COLGALT2: variants seen among roughly 807,000 people sequenced by gnomAD.
COLGALT2 encodes the protein collagen beta(1-O)galactosyltransferase 2.
A neutral mutation model predicts 73.4 loss-of-function variants in COLGALT2; 49 were observed. The observed-to-expected ratio is 0.67, with a 90% CI of 0.53 to 0.85. COLGALT2 has a LOEUF of 0.85. COLGALT2 is among the 40% of genes least tolerant of loss of function. COLGALT2 has a pLI of 0.00. For missense variants in COLGALT2, 722 were observed against 790.2 expected (o/e 0.91, Z 1.03); for synonymous variants, 295 against 307.6 (o/e 0.96, Z 0.43).
At chr1:184,036,198 C>T (rs944737348) in intron 1 of COLGALT2, among the ~76,000 whole-genome samples, 1 of 152,184 alleles carries the variant, frequency 6.6e-6, no homozygotes, top group Admixed American at 6.5e-5. Context: ...ACCCACTCAG[C>T]GGCTAACCTG....
At chr1:184,012,267 T>C (rs1294953256) in intron 1 of COLGALT2, among the ~76,000 whole-genome samples, 1 of 152,198 alleles carries the variant, frequency 6.6e-6, no homozygotes, top group Non-Finnish European at 1.5e-5. Context: ...CACTGTAAAA[T>C]ATTGTATTAG....
At chr1:183,946,769 C>A (rs978560953) in intron 8 of COLGALT2, among the ~76,000 whole-genome samples, 1 of 152,200 alleles carries the variant, frequency 6.6e-6, no homozygotes, top group South Asian at 2.1e-4. Flanking sequence ...TGGTGGCTCA[C>A]GCCTGTAATC....
chr1:183,939,670 G>A (rs1670056380), intron 11 of COLGALT2, among the ~76,000 whole-genome samples: 1 of 152,160 alleles, frequency 6.6e-6, no homozygotes, highest in Non-Finnish European at 1.5e-5. Flanking sequence ...ATATACAAGA[G>A]GGCACACAAC....
chr1:184,026,660 C>G (rs778737075), intron 1 of COLGALT2, among the ~76,000 whole-genome samples: 4 of 152,112 alleles, frequency 2.6e-5, no homozygotes, highest in Non-Finnish European at 4.4e-5. Flanking sequence ...TAAGGCTGAA[C>G]TGCCAGCTAC....
intron 1 of COLGALT2, among the ~76,000 whole-genome samples, chr1:184,022,167 G>A (rs1257239361): frequency 1.3e-5 from 2 of 152,116 alleles, no homozygotes; most frequent in Non-Finnish European, 2.9e-5. Context: ...CAAGGTGAAA[G>A]GAAGAACACC....
chr1:184,017,082 T>C (rs1282786478), intron 1 of COLGALT2, among the ~76,000 whole-genome samples: 1 of 152,218 alleles, frequency 6.6e-6, no homozygotes, highest in Non-Finnish European at 1.5e-5. Flanking sequence ...TTTGATCTGT[T>C]AGAACACAGT....
chr1:183,953,322 C>A (rs1330297473), intron 7 of COLGALT2, among the ~76,000 whole-genome samples: 1 of 152,164 alleles, frequency 6.6e-6, no homozygotes, highest in East Asian at 1.9e-4. Context: ...TAACCTCAGA[C>A]TCAGGAAAGT....
At chr1:183,963,840 G>A in intron 6 of COLGALT2, 61 bp downstream of exon 6, 2 of 1,438,370 alleles carry the variant, frequency 1.4e-6, no homozygotes, top group Non-Finnish European at 1.8e-6. Flanking sequence ...GAGGGAAGTG[G>A]CTGGTATGGT....
At chr1:183,944,689 G>C (rs912124896) in intron 9 of COLGALT2, among the ~76,000 whole-genome samples, 1 of 152,094 alleles carries the variant, frequency 6.6e-6, no homozygotes, top group African/African-American at 2.4e-5. Context: ...GTACGGGGTG[G>C]GGGGGTGCTT....
At chr1:183,992,047 A>G (rs1250883567) in intron 1 of COLGALT2, among the ~76,000 whole-genome samples, 3 of 151,992 alleles carry the variant, frequency 2.0e-5, no homozygotes, top group African/African-American at 7.3e-5. Flanking sequence ...CAGAGAGGGG[A>G]GCAGTGAGAG....
In COLGALT2 at chr1:183,936,936, C is replaced by T; in HGVS notation, c.*1825G>A. ...CTGCCTCTTGTCCTAAAGTGGGGAC[C>T]CGCCCCTCACCTGGGGAGATGAGGC... On this transcript the variant is annotated 3_prime_UTR_variant, in exon 12 of 12. Coordinates refer to ENST00000361927, the MANE Select transcript of COLGALT2 (RefSeq NM_015101.4). 1 of 1,231,772 alleles carries T rather than the reference C, an allele frequency of 8.1e-7. No individual in the cohort carries two copies. Among genetic ancestry groups the T allele is most frequent in the Non-Finnish European group, 1.0e-6 (1 of 987,998 alleles). The allele number at this position is 1,231,772 out of a possible 1,614,324, so 76.3% of individuals were successfully genotyped here.
chr1:183,977,812 A>AG (rs1553317022), intron 2 of COLGALT2, among the ~76,000 whole-genome samples: 8 of 52,430 alleles, frequency 1.5e-4, no homozygotes, highest in African/African-American at 3.1e-4. Flanking sequence ...GAAAGAGAGA[A>AG]AGAGAGAGAG....
rs763644716 is a variant in COLGALT2, at chr1:183,951,036, C to A, written c.1107G>T (p.Glu369Asp). 6.2e-7 allele frequency: 1 copy of A among 1,613,688 alleles called. No homozygotes were observed. The highest frequency in any genetic ancestry group is 1.7e-5 in the Admixed American group (1 of 60,020). The change falls in exon 8 of 12, where the codon GAG (glutamate) becomes GAT (aspartate). Residue 369 changes from glutamate to aspartate, a missense_variant. Transcript: ENST00000361927. ...CATCCACAGCCTCGACAATCTTGAC[C>A]TCAATCTCCTGTTCATACAGTGTGC... The part of the protein sequence containing the change: ...MLRTLYEQEI[E>D]VKIVEAVDGK...
rs141777537 is a variant in COLGALT2, at chr1:183,953,916, G to A, written c.1029+846C>T. ...GTATATGTTACCATGTGATAAATAA[G>A]GCATCTTCCTTCGATTAATCAGTGG... is the stretch of plus-strand genomic sequence containing the variant. On this transcript the variant is annotated intron_variant, in intron 7 of 11. Transcript: ENST00000361927. 2.4e-4 allele frequency among the ~76,000 whole-genome samples: 36 copies of A among 152,304 alleles called. 1 individual carries two copies. Among genetic ancestry groups the A allele is most frequent in the African/African-American group, 7.9e-4 (33 of 41,554 alleles).
At chr1:183,967,176 G>A (rs1365589540) in intron 5 of COLGALT2, among the ~76,000 whole-genome samples, 1 of 152,226 alleles carries the variant, frequency 6.6e-6, no homozygotes, top group Non-Finnish European at 1.5e-5. Context: ...CAGTTGTCAA[G>A]AAAGACCTTT....
At chr1:183,956,765 C>T (rs1044362820) in intron 6 of COLGALT2, among the ~76,000 whole-genome samples, 1 of 152,128 alleles carries the variant, frequency 6.6e-6, no homozygotes, top group African/African-American at 2.4e-5. Flanking sequence ...AAGTGGTTGG[C>T]TCCCGAAAGT....
chr1:183,963,794 G>A (rs1388746849), intron 6 of COLGALT2, 107 bp downstream of exon 6: 3 of 1,202,154 alleles, frequency 2.5e-6, no homozygotes, highest in African/African-American at 1.5e-5. Flanking sequence ...TCAGCCAGGG[G>A]AGACTGATGG....
At chr1:183,979,056 A>C (rs1671281000) in intron 1 of COLGALT2, among the ~76,000 whole-genome samples, 1 of 152,160 alleles carries the variant, frequency 6.6e-6, no homozygotes, top group Admixed American at 6.5e-5. Flanking sequence ...AAAACTCAAA[A>C]TTTAAGGTAT....
intron 6 of COLGALT2, among the ~76,000 whole-genome samples, chr1:183,957,153 T>G (rs746843010): frequency 4.7e-5 from 7 of 150,002 alleles, no homozygotes; most frequent in Non-Finnish European, 1.0e-4. Flanking sequence ...GTTCTGTGAG[T>G]GATATATATA....
Sources: gnomAD v4.1 joint callset for allele counts (sites outside exome capture counted in the v4.1 genomes callset) on GRCh38, gnomAD v4.1.1 for gene constraint, MANE v1.5 for transcripts, NCBI Gene and HGNC (gene_info 2026-07-23, HGNC 2026-07-21) for gene names.